Variants in P2RX2 observed in about 807,000 individuals in gnomAD.
The protein encoded by P2RX2 is P2X purinoceptor 2.
P2RX2 carries 50 observed loss-of-function variants against 54.8 expected under a neutral mutation model. The ratio of observed to expected loss-of-function variants is 0.91; its 90% CI spans 0.73 to 1.15. The LOEUF (loss-of-function observed/expected upper bound fraction) is 1.15. P2RX2 is among the 50% of genes most tolerant of loss of function. The pLI, the probability that P2RX2 is intolerant of heterozygous loss-of-function variation, is 0.00. For missense variants in P2RX2, 658 were observed against 633.2 expected (o/e 1.04, Z -0.42); for synonymous variants, 289 against 259.4 (o/e 1.11, Z -1.09).
Position 132,620,504 on chromosome 12 carries a change from C to G in P2RX2, c.695C>G (p.Ser232Cys). Residue 232 changes from serine (S) to cysteine (C), a missense_variant, in exon 7 of 11, where the codon TCC (serine) becomes TGC (cysteine). By Grantham distance (112) the Ser-to-Cys change is moderately radical (BLOSUM62 -1). Transcript: ENST00000643471. Reference sequence around the variant, plus strand: ...AAGCGCTGCACGTTCCACGAGGCCTCCGACCTCTACTGCCCCATCTTCAAG... The same window carrying G: ...AAGCGCTGCACGTTCCACGAGGCCTGCGACCTCTACTGCCCCATCTTCAAG... Reference protein sequence around the residue: ...YLKRCTFHEASDLYCPIFKLG... With the variant: ...YLKRCTFHEACDLYCPIFKLG... 1 of 1,614,062 alleles carries G rather than the reference C, an allele frequency of 6.2e-7. No homozygotes were observed. Among genetic ancestry groups the G allele is most frequent in the Non-Finnish European group, 8.5e-7 (1 of 1,180,018 alleles).
In P2RX2 at chr12:132,620,467, G is replaced by C. The variant is rs1285116295; in HGVS notation, c.658G>C (p.Asp220His). 1.2e-6 allele frequency: 2 copies of C among 1,614,104 alleles called. No individual in the cohort carries two copies. The highest frequency in any genetic ancestry group is 1.7e-5 in the Admixed American group (1 of 60,034). The change falls in exon 7 of 11, where the codon GAC becomes CAC. Residue 220 changes from aspartate (D) to histidine (H), a missense_variant. Coordinates refer to ENST00000643471, the MANE Select transcript of P2RX2 (RefSeq NM_170682.4). ...FSKGNIADRT[D>H]GYLKRCTFHE... ...CAGGGGCAACATCGCCGACCGCACA[G>C]ACGGGTACCTGAAGCGCTGCACGTT...
chr12:132,621,371 G>T, intron 9 of P2RX2, 26 bp downstream of exon 9: 1 of 1,613,468 alleles, frequency 6.2e-7, no homozygotes, highest in South Asian at 1.1e-5. Flanking sequence ...GGGGGTGGGT[G>T]GCCAGCCCTG....
Position 132,621,831 on chromosome 12 carries a change from A to C in P2RX2, c.1275A>C (p.Gln425His), listed in dbSNP as rs368368224. 7 of 1,611,028 alleles carry C rather than the reference A, an allele frequency of 4.3e-6. No individual in the cohort carries two copies. The African/African-American group carries it at 9.3e-5, about 22-fold the overall frequency. The change falls in exon 11 of 11, where the codon CAA becomes CAC. Residue 425 changes from glutamine (Q) to histidine (H), a missense_variant. By Grantham distance (24) the Gln-to-His change is conservative (BLOSUM62 0). Coordinates refer to ENST00000643471, the MANE Select transcript of P2RX2 (RefSeq NM_170682.4). ...PSPPSGQEGQ[Q>H]GAECGPAFPP... is the part of the protein sequence containing the mutation. ...CTCCATCAGGCCAGGAGGGCCAACAAGGGGCAGAGTGTGGCCCAGCCTTCC... is the reference window on the plus strand; with the variant it reads ...CTCCATCAGGCCAGGAGGGCCAACACGGGGCAGAGTGTGGCCCAGCCTTCC...
rs762001015 is a variant in P2RX2 at position 132,620,469 on chromosome 12, C to T, written c.660C>T (p.Asp220=). 23 of 1,613,972 alleles carry T rather than the reference C, an allele frequency of 1.4e-5. No individual in the cohort carries two copies. The highest frequency in any genetic ancestry group is 1.3e-4 in the South Asian group (12 of 91,090). ...FSKGNIADRT[D]GYLKRCTFHE... ...GGGGCAACATCGCCGACCGCACAGA[C>T]GGGTACCTGAAGCGCTGCACGTTCC... The change falls in exon 7 of 11, where the codon GAC becomes GAT. Residue 220 remains aspartate (D), a synonymous_variant. Coordinates refer to ENST00000643471, the MANE Select transcript of P2RX2 (RefSeq NM_170682.4).
chr12:132,620,637 A>C (rs553707511), intron 7 of P2RX2, 54 bp downstream of exon 7: 1 of 1,587,536 alleles, frequency 6.3e-7, no homozygotes, highest in South Asian at 1.1e-5. Flanking sequence ...CTGCACAGAG[A>C]GGGCCTGGGG....
At position 132,621,004 on chromosome 12, in the gene P2RX2, G is replaced by A; in HGVS notation, c.778G>A (p.Gly260Ser). 6.2e-7 allele frequency: 1 copy of A among 1,613,942 alleles called. No homozygotes were observed. The highest frequency in any genetic ancestry group is 8.5e-7 in the Non-Finnish European group (1 of 1,179,954). The change falls in exon 8 of 11, where the codon GGT becomes AGT. Residue 260 changes from glycine (G) to serine (S), a missense_variant. Coordinates refer to ENST00000643471, the MANE Select transcript of P2RX2 (RefSeq NM_170682.4). ...TTCTCTGGCTCCTTCTTGGCAGGGT[G>A]GTGTCATCGGGGTCATTATCAACTG... ...ESFTELAHKG[G>S]VIGVIINWDC...
Position 132,619,928 on chromosome 12 carries a change from G to C in P2RX2, c.457+9G>C, listed in dbSNP as rs200457240. On this transcript the variant is annotated intron_variant, in intron 4 of 10. Transcript: ENST00000643471. ...GGACATGCTGGGAAACGGTCGGTGTGCGCCAGCTGGGGCTGGGCGGGTGGG... is the reference window on the plus strand; with the variant it reads ...GGACATGCTGGGAAACGGTCGGTGTCCGCCAGCTGGGGCTGGGCGGGTGGG... The C allele has an allele frequency of 6.2e-7, 1 of 1,601,578 alleles. No homozygotes were observed. The highest frequency in any genetic ancestry group is 8.5e-7 in the Non-Finnish European group (1 of 1,174,494).
intron 1 of P2RX2, 42 bp downstream of exon 1, chr12:132,619,031 A>C (rs1490009985): frequency 8.1e-6 from 7 of 868,226 alleles, no homozygotes; most frequent in Non-Finnish European, 9.8e-6. Context: ...TGCGGGGCGC[A>C]GGGGAGGGGC....
At chr12:132,620,613 G>C (rs1387883817) in intron 7 of P2RX2, 30 bp downstream of exon 7, 1 of 1,605,610 alleles carries the variant, frequency 6.2e-7, no homozygotes, top group Non-Finnish European at 8.5e-7. Flanking sequence ...GGTGGGGCCA[G>C]GGTGGGCTCC....
At chr12:132,619,285 G>A (rs2041531748) in intron 1 of P2RX2, 154 bp from the exon 2 acceptor site, 4 of 639,228 alleles carry the variant, frequency 6.3e-6, no homozygotes, top group Non-Finnish European at 9.1e-6. Context: ...CCGGGGGCGC[G>A]GGGCAGGGGC....
chr12:132,620,379 C>T (rs765642841), intron 6 of P2RX2, 32 bp downstream of exon 6: 1 of 1,613,708 alleles, frequency 6.2e-7, no homozygotes, highest in African/African-American at 1.3e-5. Flanking sequence ...GACGGCCCAG[C>T]CTGAGGGCTG....
Position 132,618,971 on chromosome 12 carries a change from T to C in P2RX2, c.155T>C (p.Ile52Thr). 1 of 1,244,828 alleles carries C rather than the reference T, an allele frequency of 8.0e-7. No individual in the cohort carries two copies. The highest frequency in any genetic ancestry group is 1.0e-6 in the Non-Finnish European group (1 of 979,818). The allele number at this position is 1,244,828 out of a possible 1,614,324, so 77.1% of individuals were successfully genotyped here. The change falls in exon 1 of 11, where the codon ATC (isoleucine) becomes ACC (threonine). Residue 52 changes from isoleucine to threonine, a missense_variant. By Grantham distance (89) the Ile-to-Thr change is moderately conservative. Coordinates refer to ENST00000643471, the MANE Select transcript of P2RX2 (RefSeq NM_170682.4). The part of the protein sequence containing the change: ...GVLYRAVQLL[I>T]LLYFVWYVFI... ...CTGTACCGCGCCGTGCAGCTGCTCA[T>C]CCTGCTCTACTTCGTGTGGTGCGCG... is the stretch of plus-strand genomic sequence containing the variant.
At position 132,620,293 on chromosome 12, in the gene P2RX2, A is replaced by G; in HGVS notation, c.581A>G (p.Asn194Ser). 4 of 1,614,042 alleles carry G rather than the reference A, an allele frequency of 2.5e-6. No individual in the cohort carries two copies. ...CAATTTCTGGGTACGATGGCCCCAA[A>G]TTTCACCATCCTCATCAAGAACAGC... ...VSQFLGTMAP[N>S]FTILIKNSIH... Residue 194 changes from asparagine (N) to serine (S), a missense_variant, in exon 6 of 11, where the codon AAT becomes AGT. Coordinates refer to ENST00000643471, the MANE Select transcript of P2RX2 (RefSeq NM_170682.4).
At position 132,621,465 on chromosome 12, in the gene P2RX2, T is replaced by A. The variant is rs1271292698; in HGVS notation, c.997-10T>A. 7.6e-6 allele frequency: 12 copies of A among 1,569,766 alleles called. No homozygotes were observed. Among genetic ancestry groups the A allele is most frequent in the Non-Finnish European group, 1.0e-5 (12 of 1,156,170 alleles). On this transcript the variant is annotated splice_polypyrimidine_tract_variant and intron_variant, in intron 9 of 10. Transcript: ENST00000643471. ...TCAGACATTCTGACCACGACCCCCATTCTCCCCAGGCCGGGAAGTTCAGCC... is the reference window on the plus strand; with the variant it reads ...TCAGACATTCTGACCACGACCCCCAATCTCCCCAGGCCGGGAAGTTCAGCC...
At chr12:132,619,346 G>C in intron 1 of P2RX2, 93 bp from the exon 2 acceptor site, 1 of 1,432,178 alleles carries the variant, frequency 7.0e-7, no homozygotes, top group Non-Finnish European at 9.5e-7. Flanking sequence ...CCGCAGAGCG[G>C]ACCCGGGTCG....
At position 132,621,058 on chromosome 12, in the gene P2RX2, G is replaced by A. The variant is rs753431309; in HGVS notation, c.832G>A (p.Glu278Lys). 6.2e-7 allele frequency: 1 copy of A among 1,614,162 alleles called. No individual in the cohort carries two copies. The highest frequency in any genetic ancestry group is 1.7e-5 in the Admixed American group (1 of 60,028). ...CTGTGACCTGGACCTGCCTGCATCG[G>A]AGTGCAACCCCAAGTACTCCTTCCG... ...WDCDLDLPAS[E>K]CNPKYSFRRL... is the part of the protein sequence containing the mutation. The change falls in exon 8 of 11, where the codon GAG becomes AAG. Residue 278 changes from glutamate to lysine, a missense_variant. By Grantham distance (56) the Glu-to-Lys change is moderately conservative (BLOSUM62 1). Transcript: ENST00000643471.
rs2041549424 is a variant in P2RX2, at chr12:132,619,570, C to CA, written c.305_306insA (p.Glu103ArgfsTer169). The CA allele has an allele frequency of 1.2e-6, 2 of 1,610,492 alleles. No individual in the cohort carries two copies. The highest frequency in any genetic ancestry group is 1.7e-6 in the Non-Finnish European group (2 of 1,178,488). On this transcript the variant is annotated frameshift_variant, in exon 2 of 11. Transcript: ENST00000643471. LOFTEE classifies it high-confidence loss of function. ...GACGTGGAGGAGTACGTGAAGCCCCCCGAGGTGCGGGCCGCCCCCTGCCCC... is the reference window on the plus strand; with the variant it reads ...GACGTGGAGGAGTACGTGAAGCCCCCACGAGGTGCGGGCCGCCCCCTGCCCC...
chr12:132,619,823 A>C (rs766292727), intron 3 of P2RX2, 21 bp from the exon 4 acceptor site: 1 of 1,610,622 alleles, frequency 6.2e-7, no homozygotes, highest in Non-Finnish European at 8.5e-7. Context: ...GGGGTCCCTG[A>C]CTGGGCCGCC....
In P2RX2 at chr12:132,621,841, T is replaced by C; in HGVS notation, c.1285T>C (p.Cys429Arg). The C allele has an allele frequency of 6.2e-7, 1 of 1,611,906 alleles. No individual in the cohort carries two copies. The highest frequency in any genetic ancestry group is 8.5e-7 in the Non-Finnish European group (1 of 1,179,220). ...SGQEGQQGAECGPAFPPLRPC... is the reference protein window; with the variant it reads ...SGQEGQQGAERGPAFPPLRPC... ...CCAGGAGGGCCAACAAGGGGCAGAGTGTGGCCCAGCCTTCCCGCCCCTGCG... is the reference window on the plus strand; with the variant it reads ...CCAGGAGGGCCAACAAGGGGCAGAGCGTGGCCCAGCCTTCCCGCCCCTGCG... The change falls in exon 11 of 11, where the codon TGT becomes CGT. Residue 429 changes from cysteine to arginine, a missense_variant. Transcript: ENST00000643471.
Sources: allele counts gnomAD v4.1 joint callset, GRCh38; gene constraint gnomAD v4.1.1; transcripts MANE v1.5; gene names NCBI Gene and HGNC (gene_info 2026-07-23, HGNC 2026-07-21).